Variants in OXR1 observed in about 807,000 individuals in gnomAD.
The protein encoded by OXR1 is oxidation resistance 1.
In OXR1, 41 loss-of-function variants were observed where a neutral mutation model predicts 104.6. The ratio of observed to expected loss-of-function variants is 0.39; its 90% CI spans 0.31 to 0.51. The LOEUF is 0.51. Among genes scored for constraint, OXR1 ranks in the 20% least tolerant of loss-of-function variants. OXR1 has a pLI of 0.77. For synonymous variants in OXR1, 348 were observed against 348.4 expected (o/e 1.00, Z 0.01); for missense variants, 955 against 1,031.9 (o/e 0.93, Z 1.02).
At chr8:106,684,690 G>C (rs2040683290) in intron 6 of OXR1, among the ~76,000 whole-genome samples, 1 of 152,074 alleles carries the variant, frequency 6.6e-6, no homozygotes, top group Non-Finnish European at 1.5e-5. Context: ...TGTCCAATTT[G>C]ATGTTTATTT....
At chr8:106,669,497 G>T (rs987823037) in intron 3 of OXR1, among the ~76,000 whole-genome samples, 1 of 151,698 alleles carries the variant, frequency 6.6e-6, no homozygotes, top group East Asian at 1.9e-4. Context: ...GAAAATACAG[G>T]TTTTTTTCCC....
intron 3 of OXR1, chr8:106,658,191 C>T (rs1214744933): frequency 4.0e-6 from 5 of 1,239,004 alleles, no homozygotes; most frequent in Non-Finnish European, 5.1e-6. Flanking sequence ...ACCTGGTGAG[C>T]CCACCTTTCT....
intron 2 of OXR1, among the ~76,000 whole-genome samples, chr8:106,475,721 G>GT (rs76533002): frequency 0.054 from 8,153 of 151,952 alleles, 291 homozygotes; most frequent in African/African-American, 0.091. Flanking sequence ...TCTAATGTCA[G>GT]TTTGTTTTCT....
chr8:106,449,609 A>G (rs1410064359), intron 2 of OXR1, among the ~76,000 whole-genome samples: 1 of 152,206 alleles, frequency 6.6e-6, no homozygotes, highest in Non-Finnish European at 1.5e-5. Flanking sequence ...CAGCTAGTAA[A>G]TGATGATGGT....
intron 1 of OXR1, among the ~76,000 whole-genome samples, chr8:106,273,324 G>A (rs1255016812): frequency 6.6e-6 from 1 of 152,178 alleles, no homozygotes; most frequent in African/African-American, 2.4e-5. Flanking sequence ...AGAGATGTCA[G>A]TCAAAGTGGA....
intron 6 of OXR1, among the ~76,000 whole-genome samples, 163 bp downstream of exon 6, chr8:106,684,522 C>T (rs959104185): frequency 7.2e-5 from 11 of 152,076 alleles, no homozygotes; most frequent in Non-Finnish European, 1.0e-4. Context: ...ATAAGACATT[C>T]TTATGAAACC....
At chr8:106,404,765 G>A (rs1377820271) in intron 2 of OXR1, among the ~76,000 whole-genome samples, 4 of 151,914 alleles carry the variant, frequency 2.6e-5, no homozygotes, top group Non-Finnish European at 4.4e-5. Flanking sequence ...GAGTGCAATG[G>A]CACAATCTTG....
At chr8:106,472,348 A>G (rs1370838764) in intron 2 of OXR1, among the ~76,000 whole-genome samples, 1 of 151,774 alleles carries the variant, frequency 6.6e-6, no homozygotes, top group Non-Finnish European at 1.5e-5. Context: ...AGGATTTCCT[A>G]TTCACAAATA....
chr8:106,609,134 C>A (rs1428500149), intron 3 of OXR1, among the ~76,000 whole-genome samples: 2 of 151,878 alleles, frequency 1.3e-5, no homozygotes, highest in Non-Finnish European at 2.9e-5. Flanking sequence ...GGCAGTGGGA[C>A]GTGGTGGGTC....
intron 3 of OXR1, among the ~76,000 whole-genome samples, chr8:106,673,190 G>A (rs542006231): frequency 6.6e-6 from 1 of 152,322 alleles, no homozygotes; most frequent in East Asian, 1.9e-4. Flanking sequence ...AATGCTGATA[G>A]TGATAATGGT....
At chr8:106,688,936 G>A (rs1829017470) in intron 6 of OXR1, among the ~76,000 whole-genome samples, 2 of 152,052 alleles carry the variant, frequency 1.3e-5, no homozygotes, top group African/African-American at 4.8e-5. Flanking sequence ...ACAATTTATA[G>A]GAACTAGGAA....
intron 6 of OXR1, among the ~76,000 whole-genome samples, chr8:106,691,293 T>C (rs1235457085): frequency 6.6e-6 from 1 of 151,930 alleles, no homozygotes; most frequent in Non-Finnish European, 1.5e-5. Flanking sequence ...CAAAACCACC[T>C]CATTAATAAT....
At chr8:106,338,364 T>A (rs745529726) in intron 1 of OXR1, among the ~76,000 whole-genome samples, 21 of 151,694 alleles carry the variant, frequency 1.4e-4, no homozygotes, top group Non-Finnish European at 2.4e-4. Flanking sequence ...TCACCTGAGG[T>A]CAGAGGTGAT....
At chr8:106,471,728 A>G (rs990449335) in intron 2 of OXR1, among the ~76,000 whole-genome samples, 3 of 151,870 alleles carry the variant, frequency 2.0e-5, no homozygotes, top group African/African-American at 7.2e-5. Context: ...TCTGAAGGCA[A>G]TTCTGAAAGA....
At chr8:106,722,803 C>A (rs1832934868) in intron 11 of OXR1, among the ~76,000 whole-genome samples, 1 of 152,128 alleles carries the variant, frequency 6.6e-6, no homozygotes, top group Admixed American at 6.5e-5. Context: ...ATATCCCTGT[C>A]ATTATGTGAT....
At chr8:106,378,379 G>C (rs114218480) in intron 2 of OXR1, among the ~76,000 whole-genome samples, 1 of 152,184 alleles carries the variant, frequency 6.6e-6, no homozygotes, top group African/African-American at 2.4e-5. Flanking sequence ...AACCCATTAA[G>C]ATGCAGTGAT....
intron 11 of OXR1, chr8:106,726,115 G>C (rs1010380313): frequency 7.2e-7 from 1 of 1,388,192 alleles, no homozygotes. Context: ...TCAAATCTTT[G>C]TCTCTAGCAA....
intron 3 of OXR1, among the ~76,000 whole-genome samples, chr8:106,646,304 G>A (rs1473329147): frequency 2.0e-5 from 3 of 151,046 alleles, no homozygotes; most frequent in African/African-American, 4.9e-5. Flanking sequence ...ATTGGTTTTC[G>A]CTATGTTGGC....
intron 1 of OXR1, among the ~76,000 whole-genome samples, chr8:106,286,927 TAAA>T (rs1812526280): frequency 2.6e-5 from 4 of 152,162 alleles, no homozygotes; most frequent in Admixed American, 2.6e-4. Context: ...AACTCAGCAA[TAAA>T]AGCCATTTAT....
Sources: gnomAD v4.1 joint callset for allele counts (sites outside exome capture counted in the v4.1 genomes callset) on GRCh38, gnomAD v4.1.1 for gene constraint, MANE v1.5 for transcripts, NCBI Gene and HGNC (gene_info 2026-07-23, HGNC 2026-07-21) for gene names.